The following MAB21L3 variants were observed in gnomAD, a reference collection of about 807,000 sequenced individuals.
MAB21L3 encodes the protein protein mab-21-like 3.
A neutral mutation model predicts 37.7 loss-of-function variants in MAB21L3; 36 were observed. The ratio of observed to expected loss-of-function variants is 0.96; its 90% CI spans 0.73 to 1.26. MAB21L3 has a LOEUF of 1.26. Ranked by LOEUF, MAB21L3 falls within the 50% of genes most tolerant of loss-of-function variation. The pLI, the probability that MAB21L3 is intolerant of heterozygous loss-of-function variation, is 0.00. For missense variants in MAB21L3, 430 were observed against 447.3 expected (o/e 0.96, Z 0.35); for synonymous variants, 186 against 176.8 (o/e 1.05, Z -0.41).
intron 7 of MAB21L3, among the ~76,000 whole-genome samples, chr1:116,129,886 G>A (rs1428468210): frequency 6.6e-6 from 1 of 152,080 alleles, no homozygotes; most frequent in African/African-American, 2.4e-5. Flanking sequence ...TCATTCACAT[G>A]CACTGGGGCT....
Position 116,133,579 on chromosome 1 carries a change from C to T in MAB21L3, c.*214C>T, listed in dbSNP as rs1660136405. 5.0e-6 allele frequency: 3 copies of T among 595,548 alleles called. No homozygotes were observed. The African/African-American group carries it at 5.6e-5, about 11-fold the overall frequency. 36.9% of individuals were successfully genotyped at this position (595,548 alleles called of 1,614,324 possible). A position where few individuals can be genotyped will look rare whatever the true frequency, so the allele number is the denominator to read the frequency against. ...CCTGGAGCCCAGCAAGCATTTCTGC[C>T]CTAGCTAATTCTCCTGGAGACAGCT... On this transcript the variant is annotated 3_prime_UTR_variant, in exon 8 of 8. Coordinates refer to ENST00000369500, the MANE Select transcript of MAB21L3 (RefSeq NM_152367.3).
In MAB21L3 at chr1:116,119,717, C is replaced by G. The variant is rs150411974; in HGVS notation, c.49-1215C>G. 3.6e-3 allele frequency among the ~76,000 whole-genome samples: 546 copies of G among 152,250 alleles called. 5 individuals carry two copies. Among genetic ancestry groups the G allele is most frequent in the African/African-American group, 0.013 (524 of 41,536 alleles). On this transcript the variant is annotated intron_variant, in intron 3 of 7. Coordinates refer to ENST00000369500, the MANE Select transcript of MAB21L3 (RefSeq NM_152367.3). ...GAGCAAGATGACAAAGTGCCCCCTCCATTTCAGAAAAAACTTGCAGACCCT... is the reference window on the plus strand; with the variant it reads ...GAGCAAGATGACAAAGTGCCCCCTCGATTTCAGAAAAAACTTGCAGACCCT...
intron 3 of MAB21L3, 91 bp from the exon 4 acceptor site, chr1:116,120,841 T>C: frequency 6.6e-7 from 1 of 1,519,448 alleles, no homozygotes. Flanking sequence ...CAGTCACCCC[T>C]TGCTGTACCC....
chr1:116,129,142 G>A (rs966263040), intron 7 of MAB21L3, among the ~76,000 whole-genome samples: 1 of 152,228 alleles, frequency 6.6e-6, no homozygotes, highest in Non-Finnish European at 1.5e-5. Flanking sequence ...GCCAGTGGGT[G>A]CGTGTACAAT....
intron 5 of MAB21L3, among the ~76,000 whole-genome samples, chr1:116,126,083 A>G (rs1659901341): frequency 6.6e-6 from 1 of 152,238 alleles, no homozygotes; most frequent in African/African-American, 2.4e-5. Flanking sequence ...CACCCTGGCC[A>G]GGGAATGTTT....
chr1:116,112,742 T>A, intron 3 of MAB21L3, 79 bp downstream of exon 3: 1 of 1,437,656 alleles, frequency 7.0e-7, no homozygotes, highest in Non-Finnish European at 9.8e-7. Context: ...CCAGAAAGGA[T>A]CTCAGGCTCT....
At chr1:116,131,013 A>ATG (rs1660053151) in intron 7 of MAB21L3, among the ~76,000 whole-genome samples, 1 of 152,200 alleles carries the variant, frequency 6.6e-6, no homozygotes, top group African/African-American at 2.4e-5. Context: ...CTAAACCATA[A>ATG]CATTAATGGA....
At chr1:116,132,024 A>G (rs145759082) in intron 7 of MAB21L3, among the ~76,000 whole-genome samples, 1 of 152,094 alleles carries the variant, frequency 6.6e-6, no homozygotes, top group Non-Finnish European at 1.5e-5. Context: ...TAGTTAAGCA[A>G]CTCTGGAGGC....
rs1660166056 is a variant in MAB21L3, at chr1:116,134,739, C to G, written c.*1374C>G. 1.3e-5 allele frequency: 2 copies of G among 151,954 alleles called. No homozygotes were observed. The highest frequency in any genetic ancestry group is 4.8e-5 in the African/African-American group (2 of 41,368). The allele number at this position is 151,954 out of a possible 1,614,324, so 9.4% of individuals were successfully genotyped here. On this transcript the variant is annotated 3_prime_UTR_variant, in exon 8 of 8. Transcript: ENST00000369500. The stretch of plus-strand genomic sequence containing the variant: ...TCACACAGGAGCTGGGCACTGAGTG[C>G]TCTTGAGCCACCCATTTGGAATTTC...
rs143208519 is a variant in MAB21L3 at position 116,124,200 on chromosome 1, G to A, written c.324G>A (p.Glu108=). The change falls in exon 5 of 8, where the codon GAG becomes GAA. Residue 108 remains glutamate, a synonymous_variant. Transcript: ENST00000369500. Reference sequence around the variant, plus strand: ...TGCCCTGCCCGTTGCGGGACCCTGAGGGTCTGCAGCAGTGGCTGGAGGTGG... The same window carrying A: ...TGCCCTGCCCGTTGCGGGACCCTGAAGGTCTGCAGCAGTGGCTGGAGGTGG... ...TRLPCPLRDP[E]GLQQWLEVEQ... The A allele has an allele frequency of 1.9e-4, 313 of 1,614,250 alleles. No individual in the cohort carries two copies. Among genetic ancestry groups the A allele is most frequent in the South Asian group, 1.9e-3 (172 of 91,078 alleles).
chr1:116,132,744 C>T (rs531129467), intron 7 of MAB21L3, among the ~76,000 whole-genome samples: 61 of 152,198 alleles, frequency 4.0e-4, no homozygotes, highest in Non-Finnish European at 6.3e-4. Flanking sequence ...GGATCCAGGG[C>T]CCTGTGGAGG....
At position 116,136,727 on chromosome 1, in the gene MAB21L3, C is replaced by T. The variant is rs1257413491; in HGVS notation, c.*3362C>T. Among the ~76,000 whole-genome samples, 1 of 152,104 alleles carries T rather than the reference C, an allele frequency of 6.6e-6. No individual in the cohort carries two copies. Among genetic ancestry groups the T allele is most frequent in the Non-Finnish European group, 1.5e-5 (1 of 68,000 alleles). On this transcript the variant is annotated 3_prime_UTR_variant, in exon 8 of 8. Coordinates refer to ENST00000369500, the MANE Select transcript of MAB21L3 (RefSeq NM_152367.3). ...TCACACTACCTGACTTCAAACTATA[C>T]TACAAGGCTACAGTAACCAAAACAG...
rs1490167721 is a variant in MAB21L3, at chr1:116,135,757, G to C, written c.*2392G>C. 6.6e-6 allele frequency among the ~76,000 whole-genome samples: 1 copy of C among 152,140 alleles called. No individual in the cohort carries two copies. The highest frequency in any genetic ancestry group is 2.4e-5 in the African/African-American group (1 of 41,416). On this transcript the variant is annotated 3_prime_UTR_variant, in exon 8 of 8. Coordinates refer to ENST00000369500, the MANE Select transcript of MAB21L3 (RefSeq NM_152367.3). ...AAATTCTGGCAAACCGAATCCAGCA[G>C]CACATCAAAAAGCTTATCCACCATG...
Position 116,133,187 on chromosome 1 carries a change from T to C in MAB21L3, c.911T>C (p.Phe304Ser), listed in dbSNP as rs1660119446. The C allele has an allele frequency of 6.2e-7, 1 of 1,614,094 alleles. No individual in the cohort carries two copies. Among genetic ancestry groups the C allele is most frequent in the Non-Finnish European group, 8.5e-7 (1 of 1,180,034 alleles). ...KYPHFKDWQV[F>S]SKAFLRLVRK... ...CCCCACTTTAAAGACTGGCAGGTCT[T>C]CAGCAAAGCATTTCTGCGCCTGGTG... is the stretch of plus-strand genomic sequence containing the variant. Residue 304 changes from phenylalanine to serine, a missense_variant, in exon 8 of 8, where the codon TTC (phenylalanine) becomes TCC (serine). Transcript: ENST00000369500.
At chr1:116,132,106 C>T (rs1257639086) in intron 7 of MAB21L3, among the ~76,000 whole-genome samples, 5 of 152,080 alleles carry the variant, frequency 3.3e-5, no homozygotes, top group Admixed American at 3.3e-4. Context: ...TTCAGATACT[C>T]AAGAGATACA....
Position 116,135,155 on chromosome 1 carries a change from C to CA in MAB21L3, c.*1796dup, listed in dbSNP as rs1461482623. On this transcript the variant is annotated 3_prime_UTR_variant, in exon 8 of 8. Transcript: ENST00000369500. ...AGCAGAACTGAAGGAAATAGAGACA[C>CA]AAAAAACCCTTCAAAAAATTAATAG... The CA allele has an allele frequency of 6.6e-6, 1 of 151,608 alleles. No individual in the cohort carries two copies. Among genetic ancestry groups the CA allele is most frequent in the African/African-American group, 2.4e-5 (1 of 41,204 alleles). 9.4% of individuals were successfully genotyped at this position (151,608 alleles called of 1,614,324 possible).
chr1:116,118,251 A>G lies in MAB21L3; in HGVS notation c.49-2681A>G, dbSNP rs185816209. On this transcript the variant is annotated intron_variant, in intron 3 of 7. Coordinates refer to ENST00000369500, the MANE Select transcript of MAB21L3 (RefSeq NM_152367.3). ...ACAAAAATTAGCCAGGTGTGGTGGC[A>G]CGTGCCTGTAGTCCCAGCTACTCGG... Among the ~76,000 whole-genome samples, 1,344 of 152,136 alleles carry G rather than the reference A, an allele frequency of 8.8e-3. 15 individuals are homozygous for G. The highest frequency in any genetic ancestry group is 0.031 in the African/African-American group (1,268 of 41,498).
At position 116,135,393 on chromosome 1, in the gene MAB21L3, T is replaced by A. The variant is rs1660181094; in HGVS notation, c.*2028T>A. 6.6e-6 allele frequency among the ~76,000 whole-genome samples: 1 copy of A among 152,142 alleles called. No individual in the cohort carries two copies. Among genetic ancestry groups the A allele is most frequent in the South Asian group, 2.1e-4 (1 of 4,802 alleles). On this transcript the variant is annotated 3_prime_UTR_variant, in exon 8 of 8. Coordinates refer to ENST00000369500, the MANE Select transcript of MAB21L3 (RefSeq NM_152367.3). ...GAAAATCTAGAAGAAATGGATAAATTCCTCAACACATACACTCTCCCAAGA... is the reference window on the plus strand; with the variant it reads ...GAAAATCTAGAAGAAATGGATAAATACCTCAACACATACACTCTCCCAAGA...
In MAB21L3 at chr1:116,127,558, G is replaced by A. The variant is rs1659944281; in HGVS notation, c.574G>A (p.Glu192Lys). Residue 192 changes from glutamate (E) to lysine (K), a missense_variant, in exon 6 of 8, where the codon GAG (glutamate) becomes AAG (lysine). Glu to Lys is a moderately conservative substitution (Grantham distance 56). Coordinates refer to ENST00000369500, the MANE Select transcript of MAB21L3 (RefSeq NM_152367.3). ...QVELELVPAV[E>K]IPTTWSKKAR... is the part of the protein sequence containing the mutation. Reference sequence around the variant, plus strand: ...GGAACTGGAGCTGGTCCCCGCAGTGGAGATCCCCACCACCTGGTCCAAGAA... The same window carrying A: ...GGAACTGGAGCTGGTCCCCGCAGTGAAGATCCCCACCACCTGGTCCAAGAA... 6.2e-7 allele frequency: 1 copy of A among 1,614,072 alleles called. No individual in the cohort carries two copies. The highest frequency in any genetic ancestry group is 1.3e-5 in the African/African-American group (1 of 74,908).
Sources: gnomAD v4.1 joint callset for allele counts (sites outside exome capture counted in the v4.1 genomes callset) on GRCh38, gnomAD v4.1.1 for gene constraint, MANE v1.5 for transcripts, NCBI Gene and HGNC (gene_info 2026-07-23, HGNC 2026-07-21) for gene names.